The following TANC2 variants were observed in gnomAD, a reference collection of about 807,000 sequenced individuals.
TANC2 encodes tetratricopeptide repeat, ankyrin repeat and coiled-coil containing 2.
A neutral mutation model predicts 210.5 loss-of-function variants in TANC2; 26 were observed. The ratio of observed to expected loss-of-function variants is 0.12; its 90% CI spans 0.09 to 0.17. TANC2 has a LOEUF of 0.17. TANC2 is among the 10% of genes least tolerant of loss of function. TANC2 has a pLI of 1.00. For synonymous variants in TANC2, 931 were observed against 967.1 expected, an observed-to-expected ratio of 0.96 and a Z score of 0.69; for missense variants, 2,129 against 2,608.9, an observed-to-expected ratio of 0.82 and a Z score of 4.01.
chr17:63,223,493 G>A (rs2042249197), intron 7 of TANC2, among the ~76,000 whole-genome samples: 2 of 152,134 alleles, frequency 1.3e-5, no homozygotes, highest in Admixed American at 1.3e-4. Context: ...GGCAACAGTA[G>A]CAGTCCGAAG....
At chr17:63,098,631 A>G (rs550497522) in intron 3 of TANC2, among the ~76,000 whole-genome samples, 2 of 151,516 alleles carry the variant, frequency 1.3e-5, no homozygotes, top group African/African-American at 4.8e-5. Context: ...TGCCATTACC[A>G]GAAGTGGAAG....
chr17:63,402,994 G>A (rs1022662099), intron 19 of TANC2, among the ~76,000 whole-genome samples: 9 of 152,210 alleles, frequency 5.9e-5, no homozygotes, highest in Non-Finnish European at 1.0e-4. Context: ...TCAGCTGAAG[G>A]TTGCTGCCAA....
chr17:63,263,039 A>C (rs1031636709), intron 8 of TANC2, among the ~76,000 whole-genome samples: 2 of 152,200 alleles, frequency 1.3e-5, no homozygotes, highest in African/African-American at 4.8e-5. Flanking sequence ...TATAGAAATT[A>C]TATCTACAAT....
At chr17:63,339,852 T>A (rs1320198015) in intron 11 of TANC2, among the ~76,000 whole-genome samples, 1 of 152,240 alleles carries the variant, frequency 6.6e-6, no homozygotes, top group African/African-American at 2.4e-5. Flanking sequence ...TTTACAAATT[T>A]TATTCTGGGT....
At chr17:63,071,291 AT>A (rs565900390) in intron 2 of TANC2, among the ~76,000 whole-genome samples, 45 of 148,788 alleles carry the variant, frequency 3.0e-4, no homozygotes, top group South Asian at 8.5e-4. Context: ...AGAGTGTAGA[AT>A]TTTTTTTTTT....
At chr17:63,237,119 A>T (rs1228060121) in intron 7 of TANC2, among the ~76,000 whole-genome samples, 2 of 152,076 alleles carry the variant, frequency 1.3e-5, no homozygotes, top group Non-Finnish European at 2.9e-5. Flanking sequence ...GGTGTATATG[A>T]GCATTCTCTG....
chr17:63,113,555 T>C (rs1039108624), intron 4 of TANC2, among the ~76,000 whole-genome samples: 31 of 152,240 alleles, frequency 2.0e-4, no homozygotes, highest in Non-Finnish European at 4.3e-4. Context: ...TCACCCAGAC[T>C]GGAGTGTGGT....
intron 4 of TANC2, chr17:63,149,969 G>A (rs959762926): frequency 6.6e-6 from 1 of 152,054 alleles, no homozygotes; most frequent in Non-Finnish European, 1.5e-5. Context: ...GCGTGACTTA[G>A]TTGTCTGTTG....
chr17:63,051,350 C>A (rs959052243), intron 2 of TANC2, among the ~76,000 whole-genome samples: 1 of 152,158 alleles, frequency 6.6e-6, no homozygotes, highest in Non-Finnish European at 1.5e-5. Flanking sequence ...CCTGAAAACC[C>A]TAGCTCATAC....
intron 6 of TANC2, among the ~76,000 whole-genome samples, chr17:63,195,904 G>A (rs770289109): frequency 2.0e-5 from 3 of 151,862 alleles, no homozygotes; most frequent in African/African-American, 4.8e-5. Context: ...TCCCTTTCAC[G>A]CACGGCTCTC....
rs374356996 is a variant in TANC2 at position 63,085,865 on chromosome 17, A to C, written c.139+11851A>C. On this transcript the variant is annotated intron_variant, in intron 3 of 27. Transcript: ENST00000689528. ...TCTAAGGCTTATCCTTTCTTTATGT[A>C]GATCAGACTTTCTGACCTATATCAT... Among the ~76,000 whole-genome samples the C allele has an allele frequency of 3.3e-5, 5 of 152,324 alleles. No individual in the cohort carries two copies. The South Asian group carries it at 6.2e-4, about 19-fold the overall frequency.
chr17:63,142,240 G>A (rs928789263), intron 4 of TANC2, among the ~76,000 whole-genome samples: 2 of 152,128 alleles, frequency 1.3e-5, no homozygotes, highest in African/African-American at 4.8e-5. Context: ...GGGCTTTTTT[G>A]TGGTAAGATG....
At chr17:63,323,475 G>A (rs961988371) in intron 11 of TANC2, among the ~76,000 whole-genome samples, 19 of 152,166 alleles carry the variant, frequency 1.2e-4, no homozygotes, top group African/African-American at 4.3e-4. Flanking sequence ...CATAATCACA[G>A]TAGAGGGACA....
chr17:63,322,169 ATC>A (rs2045514127), intron 11 of TANC2, among the ~76,000 whole-genome samples: 1 of 152,154 alleles, frequency 6.6e-6, no homozygotes, highest in South Asian at 2.1e-4. Context: ...TTTAAAAGAC[ATC>A]TCTGTTTTTT....
intron 11 of TANC2, among the ~76,000 whole-genome samples, chr17:63,336,017 C>G (rs1423617080): frequency 6.6e-6 from 1 of 151,946 alleles, no homozygotes; most frequent in African/African-American, 2.4e-5. Flanking sequence ...AGGCAGAACT[C>G]TAGCCTGGGA....
chr17:63,413,218 A>G (rs2048758137), intron 24 of TANC2: 1 of 252,432 alleles, frequency 4.0e-6, no homozygotes, highest in South Asian at 1.3e-4. Context: ...AATGTTTAAT[A>G]TAAATCCTTC....
rs905922275 is a variant in TANC2 at position 63,423,409 on chromosome 17, T to C, written c.*1454T>C. The C allele has an allele frequency of 6.4e-4, 97 of 152,312 alleles. 4 individuals are homozygous for C. Among genetic ancestry groups the C allele is most frequent in the African/African-American group, 1.3e-3 (54 of 41,566 alleles). The allele number at this position is 152,312 out of a possible 1,614,324, so 9.4% of individuals were successfully genotyped here. A position where few individuals can be genotyped will look rare whatever the true frequency, so the allele number is the denominator to read the frequency against. On this transcript the variant is annotated 3_prime_UTR_variant, in exon 28 of 28. Transcript: ENST00000689528. The stretch of plus-strand genomic sequence containing the variant: ...CACTATTGAGTGGATAGCAAGAACA[T>C]TGGAACCAAAGCCTCGGCACAGGCC...
intron 2 of TANC2, among the ~76,000 whole-genome samples, chr17:63,016,673 C>G (rs1032610486): frequency 6.6e-6 from 1 of 152,124 alleles, no homozygotes. Context: ...AATATTCTTT[C>G]TGTCATGGCA....
intron 7 of TANC2, among the ~76,000 whole-genome samples, chr17:63,201,935 A>G (rs2041548534): frequency 6.6e-6 from 1 of 152,142 alleles, no homozygotes; most frequent in Non-Finnish European, 1.5e-5. Flanking sequence ...GAAATCTTTC[A>G]TCATATTCAA....
Sources: gnomAD v4.1 joint callset for allele counts (sites outside exome capture counted in the v4.1 genomes callset) on GRCh38, gnomAD v4.1.1 for gene constraint, MANE v1.5 for transcripts, NCBI Gene and HGNC (gene_info 2026-07-23, HGNC 2026-07-21) for gene names.